Variants in LHX3 observed in about 807,000 individuals in gnomAD.
The protein encoded by LHX3 is LIM/homeobox protein Lhx3.
A neutral mutation model predicts 32.4 loss-of-function variants in LHX3; 21 were observed. That is an observed-to-expected ratio of 0.65 (90% CI 0.46 to 0.93). The LOEUF (loss-of-function observed/expected upper bound fraction) is 0.93, where lower values mean the gene tolerates loss of function less well. Among genes scored for constraint, LHX3 ranks in the 40% least tolerant of loss-of-function variants. The pLI, the probability that LHX3 is intolerant of heterozygous loss-of-function variation, is 0.00. For synonymous variants in LHX3, 258 were observed against 246.8 expected (o/e 1.05, Z -0.43); for missense variants, 626 against 560.0 (o/e 1.12, Z -1.19).
Position 136,197,523 on chromosome 9 carries a change from G to T in LHX3, c.996C>A (p.Pro332=). 1 of 1,535,728 alleles carries T rather than the reference G, an allele frequency of 6.5e-7. No homozygotes were observed. Among genetic ancestry groups the T allele is most frequent in the South Asian group, 1.2e-5 (1 of 82,942 alleles). The change falls in exon 6 of 6, where the codon CCC becomes CCA. Residue 332 remains proline (P), a synonymous_variant. Coordinates refer to ENST00000371748, the MANE Select transcript of LHX3 (RefSeq NM_178138.6). ...AAPQSLPGPQ[P]LLSSLVYPDT... ...CTGGGTACACCAGGCTGGAGAGGAG[G>T]GGCTGGGGGCCAGGGAGGCTCTGCG...
rs375736709 is a variant in LHX3, at chr9:136,199,046, C to G, written c.468G>C (p.Thr156=). 1.9e-6 allele frequency: 3 copies of G among 1,567,916 alleles called. No individual in the cohort carries two copies. Among genetic ancestry groups the G allele is most frequent in the Non-Finnish European group, 2.6e-6 (3 of 1,163,682 alleles). The change falls in exon 4 of 6, where the codon ACG becomes ACC. Residue 156 remains threonine, a synonymous_variant. Coordinates refer to ENST00000371748, the MANE Select transcript of LHX3 (RefSeq NM_178138.6). ...TGATGGTCGTGCGCGGCCGCTTGGC[C>G]GTGGCCTCGGCCTCTGCGCGGCGGG... ...ETAKQREAEA[T]AKRPRTTITA...
chr9:136,204,605 G>A (rs3758198), intron 1 of LHX3, among the ~76,000 whole-genome samples: 2,461 of 152,292 alleles, frequency 0.016, 66 homozygotes, highest in South Asian at 0.11. Flanking sequence ...GACCTGGGCC[G>A]GGCTGTGTGC....
rs10858245 is a variant in LHX3 at position 136,205,052 on chromosome 9, T to G, written c.-40A>C. 0.21 allele frequency: 313,839 copies of G among 1,519,566 alleles called. 33,028 individuals are homozygous for G. Among genetic ancestry groups the G allele is most frequent in the Middle Eastern group, 0.3 (1,531 of 5,132 alleles). 94.1% of individuals were successfully genotyped at this position (1,519,566 alleles called of 1,614,324 possible). Reference sequence around the variant, plus strand: ...CGAGTGGCGCGAGACGCGCTCCTCCTAGGTCAGCGTCCCCTGGAGGGTTCG... The same window carrying G: ...CGAGTGGCGCGAGACGCGCTCCTCCGAGGTCAGCGTCCCCTGGAGGGTTCG... On this transcript the variant is annotated 5_prime_UTR_variant, in exon 1 of 6. Transcript: ENST00000371748.
At chr9:136,200,229 C>T (rs1316390317) in intron 2 of LHX3, 1 of 552,292 alleles carries the variant, frequency 1.8e-6, no homozygotes, top group East Asian at 3.2e-5. Flanking sequence ...TGGGTGCCAG[C>T]ATTAGGAACT....
In LHX3 at chr9:136,197,566, G is replaced by C. The variant is rs1209604946; in HGVS notation, c.953C>G (p.Pro318Arg). 6.5e-7 allele frequency: 1 copy of C among 1,533,186 alleles called. No individual in the cohort carries two copies. Among genetic ancestry groups the C allele is most frequent in the South Asian group, 1.2e-5 (1 of 83,016 alleles). 95.0% of individuals were successfully genotyped at this position (1,533,186 alleles called of 1,614,324 possible). The change falls in exon 6 of 6, where the codon CCC (proline) becomes CGC (arginine). Residue 318 changes from proline to arginine, a missense_variant. Transcript: ENST00000371748. ...GCTCTGCGGGGCGGCGGGGGATGGG[G>C]GGACACCGTAGGGGCTGCCGGGACG... The part of the protein sequence containing the change: ...ELRPGSPYGV[P>R]PSPAAPQSLP...
chr9:136,201,672 A>C (rs62578983), intron 1 of LHX3: 244 of 988,762 alleles, frequency 2.5e-4, no homozygotes, highest in Admixed American at 5.5e-4. Context: ...CCCATCTCCC[A>C]GTGGGTGAGA....
Position 136,198,798 on chromosome 9 carries a change from G to T in LHX3, c.629C>A (p.Ala210Asp). 6.2e-7 allele frequency: 1 copy of T among 1,609,330 alleles called. No homozygotes were observed. The change falls in exon 5 of 6, where the codon GCC (alanine) becomes GAC (aspartate). Residue 210 changes from alanine to aspartate, a missense_variant. Physicochemically the swap from Ala to Asp is moderately radical, Grantham distance 126 (BLOSUM62 -2). Coordinates refer to ENST00000371748, the MANE Select transcript of LHX3 (RefSeq NM_178138.6). ...GTCCTTCTTCAGCCTCTTCTCCTTGGCCCGGCGGTTCTGGAACCAAACCTG... is the reference window on the plus strand; with the variant it reads ...GTCCTTCTTCAGCCTCTTCTCCTTGTCCCGGCGGTTCTGGAACCAAACCTG... ...VVQVWFQNRR[A>D]KEKRLKKDAG...
intron 4 of LHX3, 40 bp downstream of exon 4, chr9:136,198,868 C>G: frequency 6.3e-7 from 1 of 1,593,344 alleles, no homozygotes; most frequent in Non-Finnish European, 8.5e-7. Flanking sequence ...CGGGGGCCCC[C>G]AAGGCCGCGG....
Position 136,200,747 on chromosome 9 carries a change from G to A in LHX3, c.86C>T (p.Pro29Leu), listed in dbSNP as rs772465879. ...GTGCTGGTCACAGCCAGCGCACAGCGGGATCTCTGTGGGCACGAGGAAGTT... is the reference window on the plus strand; with the variant it reads ...GTGCTGGTCACAGCCAGCGCACAGCAGGATCTCTGTGGGCACGAGGAAGTT... ...VCTLGGTREI[P>L]LCAGCDQHIL... Residue 29 changes from proline to leucine, a missense_variant, in exon 2 of 6, where the codon CCG becomes CTG. By Grantham distance (98) the Pro-to-Leu change is moderately conservative. Coordinates refer to ENST00000371748, the MANE Select transcript of LHX3 (RefSeq NM_178138.6). The A allele has an allele frequency of 1.2e-5, 20 of 1,613,280 alleles. No individual in the cohort carries two copies. The highest frequency in any genetic ancestry group is 3.3e-4 in the Middle Eastern group (2 of 6,084).
chr9:136,198,621 C>T, intron 5 of LHX3, 31 bp downstream of exon 5: 1 of 1,555,260 alleles, frequency 6.4e-7, no homozygotes, highest in Non-Finnish European at 8.7e-7. Context: ...CGCGCTCGTC[C>T]CCCCCCGAGC....
intron 5 of LHX3, among the ~76,000 whole-genome samples, chr9:136,197,954 C>T (rs1309326065): frequency 6.6e-6 from 1 of 152,184 alleles, no homozygotes; most frequent in Non-Finnish European, 1.5e-5. Flanking sequence ...GTGTCTCAGG[C>T]CTGGTGGGAT....
At chr9:136,204,441 G>T (rs967455044) in intron 1 of LHX3, among the ~76,000 whole-genome samples, 1 of 152,326 alleles carries the variant, frequency 6.6e-6, no homozygotes, top group Admixed American at 6.5e-5. Flanking sequence ...AAGGGGCGGC[G>T]GCAGGTTAAG....
chr9:136,198,760 G>A lies in LHX3; in HGVS notation c.667C>T (p.Arg223Cys). Residue 223 changes from arginine to cysteine, a missense_variant, in exon 5 of 6, where the codon CGC becomes TGC. Physicochemically the swap from Arg to Cys is radical, Grantham distance 180. Coordinates refer to ENST00000371748, the MANE Select transcript of LHX3 (RefSeq NM_178138.6). Reference sequence around the variant, plus strand: ...ATGTTGCGGAAATACTGCCCCCAGCGCTGCCGGCCGGCGTCCTTCTTCAGC... The same window carrying A: ...ATGTTGCGGAAATACTGCCCCCAGCACTGCCGGCCGGCGTCCTTCTTCAGC... Reference protein sequence around the residue: ...KRLKKDAGRQRWGQYFRNMKR... With the variant: ...KRLKKDAGRQCWGQYFRNMKR... The A allele has an allele frequency of 6.2e-7, 1 of 1,611,252 alleles. No individual in the cohort carries two copies. The highest frequency in any genetic ancestry group is 1.3e-5 in the African/African-American group (1 of 75,010).
At chr9:136,203,075 C>G in intron 1 of LHX3, 8 of 1,502,024 alleles carry the variant, frequency 5.3e-6, no homozygotes, top group Non-Finnish European at 7.1e-6. Flanking sequence ...TCTCCAGTCC[C>G]GAACTTTCCC....
intron 1 of LHX3, chr9:136,201,733 C>T (rs1412120540): frequency 1.0e-6 from 1 of 981,142 alleles, no homozygotes; most frequent in Non-Finnish European, 1.2e-6. Context: ...CTGGGCTGCG[C>T]CTCCCCACGC....
intron 1 of LHX3, among the ~76,000 whole-genome samples, chr9:136,204,431 A>G (rs1831711475): frequency 6.6e-6 from 1 of 152,052 alleles, no homozygotes. Flanking sequence ...AGGACTGGGG[A>G]AGGGGCGGCG....
chr9:136,204,966 G>T lies in LHX3; in HGVS notation c.47C>A (p.Ala16Asp). The change falls in exon 1 of 6, where the codon GCC becomes GAC. Residue 16 changes from alanine (A) to aspartate (D), a missense_variant. Ala to Asp is a moderately radical substitution (Grantham distance 126). Coordinates refer to ENST00000371748, the MANE Select transcript of LHX3 (RefSeq NM_178138.6). ...GLERDRARPG[A>D]AAVCTLGGTR... is the part of the protein sequence containing the mutation. Reference sequence around the variant, plus strand: ...CCCGCCCAAGGTGCAGACGGCGGCGGCCCCGGGCCTCGCTCGGTCGCGCTC... The same window carrying T: ...CCCGCCCAAGGTGCAGACGGCGGCGTCCCCGGGCCTCGCTCGGTCGCGCTC... 2 of 1,598,828 alleles carry T rather than the reference G, an allele frequency of 1.3e-6. No individual in the cohort carries two copies. The highest frequency in any genetic ancestry group is 8.5e-7 in the Non-Finnish European group (1 of 1,175,704).
Position 136,199,058 on chromosome 9 carries a change from C to T in LHX3, c.456G>A (p.Glu152=), listed in dbSNP as rs749524795. 7.2e-6 allele frequency: 11 copies of T among 1,535,896 alleles called. No individual in the cohort carries two copies. Among genetic ancestry groups the T allele is most frequent in the Non-Finnish European group, 9.6e-6 (11 of 1,148,062 alleles). Residue 152 remains glutamate, a splice_region_variant and synonymous_variant, in exon 4 of 6, where the codon GAG becomes GAA. Coordinates refer to ENST00000371748, the MANE Select transcript of LHX3 (RefSeq NM_178138.6). ...KADYETAKQR[E]AEATAKRPRT... is the part of the protein sequence containing the mutation. Reference sequence around the variant, plus strand: ...GCGGCCGCTTGGCCGTGGCCTCGGCCTCTGCGCGGCGGGCGAGCGGTGAGG... The same window carrying T: ...GCGGCCGCTTGGCCGTGGCCTCGGCTTCTGCGCGGCGGGCGAGCGGTGAGG...
intron 5 of LHX3, 68 bp downstream of exon 5, chr9:136,198,584 C>T: frequency 2.0e-6 from 3 of 1,509,804 alleles, no homozygotes; most frequent in South Asian, 1.2e-5. Flanking sequence ...CCGCGGGCTC[C>T]CTGGGACCCC....
Sources: gnomAD v4.1 joint callset for allele counts (sites outside exome capture counted in the v4.1 genomes callset) on GRCh38, gnomAD v4.1.1 for gene constraint, MANE v1.5 for transcripts, NCBI Gene and HGNC (gene_info 2026-07-23, HGNC 2026-07-21) for gene names.